The following CNTNAP2 variants were observed in gnomAD, a reference collection of about 807,000 sequenced individuals.
CNTNAP2 encodes contactin associated protein 2, also known as contactin-associated protein-like 2.
A neutral mutation model predicts 155.2 loss-of-function variants in CNTNAP2; 98 were observed. The observed-to-expected ratio is 0.63, with a 90% CI of 0.54 to 0.75. The LOEUF is 0.75. CNTNAP2 is among the 30% of genes least tolerant of loss of function. The probability of loss-of-function intolerance (pLI) is 0.00; values close to 1 mark genes in which losing one functional copy is unlikely to be tolerated. For missense variants in CNTNAP2, 1,727 were observed against 1,688.1 expected (o/e 1.02, Z -0.40); for synonymous variants, 651 against 631.2 (o/e 1.03, Z -0.47).
chr7:146,414,631 T>C (rs1795911419), intron 1 of CNTNAP2, among the ~76,000 whole-genome samples: 1 of 152,132 alleles, frequency 6.6e-6, no homozygotes, highest in Non-Finnish European at 1.5e-5. Context: ...TATAGATCTA[T>C]AAGGGGTGAC....
At chr7:146,538,438 A>C (rs1041798841) in intron 1 of CNTNAP2, among the ~76,000 whole-genome samples, 1 of 152,040 alleles carries the variant, frequency 6.6e-6, no homozygotes, top group Non-Finnish European at 1.5e-5. Flanking sequence ...AGCAGTTTCT[A>C]TCACATAAAT....
At chr7:146,769,011 T>C (rs982917541) in intron 1 of CNTNAP2, among the ~76,000 whole-genome samples, 1 of 152,224 alleles carries the variant, frequency 6.6e-6, no homozygotes, top group African/African-American at 2.4e-5. Context: ...CAACAGCTAT[T>C]TCATGTCTAT....
chr7:146,283,569 A>G lies in CNTNAP2; in HGVS notation c.97+166596A>G, dbSNP rs1010735887. Among the ~76,000 whole-genome samples, 3 of 152,084 alleles carry G rather than the reference A, an allele frequency of 2.0e-5. No individual in the cohort carries two copies. The East Asian group carries it at 5.8e-4, about 29-fold the overall frequency. ...ATTTTAAAGAAATTAAGATGTATTT[A>G]TTTGTTTTATTGGCAATTCTTAGTT... On this transcript the variant is annotated intron_variant, in intron 1 of 23. Coordinates refer to ENST00000361727, the MANE Select transcript of CNTNAP2 (RefSeq NM_014141.6).
At chr7:147,364,850 G>C in intron 9 of CNTNAP2, among the ~76,000 whole-genome samples, 1 of 149,594 alleles carries the variant, frequency 6.7e-6, no homozygotes, top group South Asian at 2.1e-4. Flanking sequence ...CTCAGTCTCG[G>C]GAAAAAAAAA....
chr7:147,982,259 G>A (rs1404808716), intron 15 of CNTNAP2, among the ~76,000 whole-genome samples: 1 of 152,094 alleles, frequency 6.6e-6, no homozygotes, highest in African/African-American at 2.4e-5. Context: ...TACGGGGACT[G>A]TAAATAAATA....
chr7:148,403,313 C>T (rs965106195), intron 22 of CNTNAP2, among the ~76,000 whole-genome samples: 3 of 151,764 alleles, frequency 2.0e-5, no homozygotes, highest in African/African-American at 4.8e-5. Flanking sequence ...CACAAGGGCA[C>T]GTGCAAGGGA....
chr7:146,721,889 A>ATTTTTTTTTTTTTTTTTT (rs71527797), intron 1 of CNTNAP2, among the ~76,000 whole-genome samples: 2 of 69,704 alleles, frequency 2.9e-5, no homozygotes, highest in South Asian at 3.2e-4. Flanking sequence ...ATATATATAT[A>ATTTTTTTTTTTTTTTTTT]TTTTTTTTTT....
In CNTNAP2 at chr7:146,803,882, G is replaced by A. The variant is rs566062386; in HGVS notation, c.208+29501G>A. On this transcript the variant is annotated intron_variant, in intron 2 of 23. Transcript: ENST00000361727. The stretch of plus-strand genomic sequence containing the variant: ...TAAAGCTTTTGAATTTCTTCATCCC[G>A]TTTTCCTGTCTCCTTGTAGAGCTCC... 3.9e-5 allele frequency among the ~76,000 whole-genome samples: 6 copies of A among 152,202 alleles called. No individual in the cohort carries two copies. In the East Asian group the frequency reaches 5.8e-4, roughly 15 times the overall value.
At chr7:147,184,330 C>A (rs1044377072) in intron 8 of CNTNAP2, among the ~76,000 whole-genome samples, 1 of 152,108 alleles carries the variant, frequency 6.6e-6, no homozygotes, top group African/African-American at 2.4e-5. Flanking sequence ...CCATTTAAGT[C>A]GTTGGATTTG....
intron 21 of CNTNAP2, among the ~76,000 whole-genome samples, chr7:148,278,443 A>AGGCG: frequency 1.3e-5 from 2 of 151,950 alleles, no homozygotes; most frequent in African/African-American, 2.4e-5. Flanking sequence ...GGTGGTGGTC[A>AGGCG]CCTGTAGTCC....
intron 22 of CNTNAP2, among the ~76,000 whole-genome samples, chr7:148,407,170 A>G (rs537120642): frequency 2.4e-4 from 36 of 152,238 alleles, no homozygotes; most frequent in South Asian, 1.0e-3. Context: ...GTTTTTATAT[A>G]AACCAGTTTT....
intron 3 of CNTNAP2, among the ~76,000 whole-genome samples, chr7:146,854,243 C>T (rs897565148): frequency 1.3e-5 from 2 of 152,148 alleles, no homozygotes; most frequent in Non-Finnish European, 2.9e-5. Flanking sequence ...TGGTGGTTTC[C>T]TCTGTTGAAG....
chr7:147,107,514 T>C (rs1371711768), intron 4 of CNTNAP2, among the ~76,000 whole-genome samples: 1 of 152,030 alleles, frequency 6.6e-6, no homozygotes, highest in Non-Finnish European at 1.5e-5. Flanking sequence ...GGTGCCCAAT[T>C]CTCCATTCCA....
intron 1 of CNTNAP2, among the ~76,000 whole-genome samples, chr7:146,529,617 A>C (rs540806394): frequency 6.6e-6 from 1 of 152,198 alleles, no homozygotes; most frequent in South Asian, 2.1e-4. Context: ...GTTTAGAGGA[A>C]AGCAGTGCTA....
chr7:146,176,464 A>G (rs1798472386), intron 1 of CNTNAP2, among the ~76,000 whole-genome samples: 1 of 152,168 alleles, frequency 6.6e-6, no homozygotes, highest in South Asian at 2.1e-4. Flanking sequence ...TTTTATTGAA[A>G]TAAAAATTGA....
At chr7:147,444,525 CTTTT>C (rs557707358) in intron 10 of CNTNAP2, among the ~76,000 whole-genome samples, 2 of 131,850 alleles carry the variant, frequency 1.5e-5, no homozygotes, top group South Asian at 2.5e-4. Flanking sequence ...ATTAAATTTT[CTTTT>C]TTTTTTTTTT....
chr7:147,310,172 A>G (rs1795096613), intron 9 of CNTNAP2, among the ~76,000 whole-genome samples: 1 of 152,156 alleles, frequency 6.6e-6, no homozygotes, highest in Non-Finnish European at 1.5e-5. Context: ...TAAACTAATT[A>G]TCATTACAAT....
rs189486127 is a variant in CNTNAP2, at chr7:147,666,451, C to T, written c.2098+27145C>T. ...CACTGTGCTTCCAGTCATATAAAAGCATATCACATACAATTACAAGCAGTA... is the reference window on the plus strand; with the variant it reads ...CACTGTGCTTCCAGTCATATAAAAGTATATCACATACAATTACAAGCAGTA... On this transcript the variant is annotated intron_variant, in intron 13 of 23. Transcript: ENST00000361727. Among the ~76,000 whole-genome samples, 27 of 152,290 alleles carry T rather than the reference C, an allele frequency of 1.8e-4. 1 individual carries two copies. Among genetic ancestry groups the T allele is most frequent in the Admixed American group, 5.9e-4 (9 of 15,296 alleles).
chr7:147,599,663 C>T (rs1372577315), intron 12 of CNTNAP2, among the ~76,000 whole-genome samples: 1 of 152,024 alleles, frequency 6.6e-6, no homozygotes, highest in African/African-American at 2.4e-5. Context: ...TGGTTGCAAT[C>T]CTTGAGTTCT....
Sources: allele counts gnomAD v4.1 joint callset (sites outside exome capture counted in the v4.1 genomes callset), GRCh38; gene constraint gnomAD v4.1.1; transcripts MANE v1.5; gene names NCBI Gene and HGNC (gene_info 2026-07-23, HGNC 2026-07-21).